IGF1: variants seen among roughly 807,000 people sequenced by gnomAD.
IGF1 encodes the protein insulin like growth factor 1.
IGF1 carries 4 observed loss-of-function variants against 13.8 expected under a neutral mutation model. That is an observed-to-expected ratio of 0.29 (90% CI 0.14 to 0.66). The LOEUF (loss-of-function observed/expected upper bound fraction) is 0.66, where lower values mean the gene tolerates loss of function less well. IGF1 is among the 30% of genes least tolerant of loss of function. The pLI, the probability that IGF1 is intolerant of heterozygous loss-of-function variation, is 0.78. For synonymous variants in IGF1, 76 were observed against 72.6 expected (o/e 1.05, Z -0.23); for missense variants, 124 against 188.5 (o/e 0.66, Z 2.00).
chr12:102,475,999 A>G (rs1173887725), intron 1 of IGF1, among the ~76,000 whole-genome samples, 200 bp from the exon 2 acceptor site: 1 of 152,174 alleles, frequency 6.6e-6, no homozygotes, highest in Non-Finnish European at 1.5e-5. Flanking sequence ...ACCTGTGTTT[A>G]TTCCCCTGGC....
intron 2 of IGF1, among the ~76,000 whole-genome samples, chr12:102,433,333 A>G (rs577096865): frequency 6.6e-6 from 1 of 152,240 alleles, no homozygotes; most frequent in Non-Finnish European, 1.5e-5. Context: ...ATAACAGGTC[A>G]CTATCTCCTT....
chr12:102,475,689 C>A lies in IGF1; in HGVS notation c.174G>T (p.Leu58=), dbSNP rs141923546. The A allele has an allele frequency of 1.9e-6, 3 of 1,614,116 alleles. No homozygotes were observed. The African/African-American group carries it at 4.0e-5, about 22-fold the overall frequency. ...CACACACGAACTGAAGAGCATCCAC[C>A]AGCTCAGCCCCGCAGAGCGTCTCCG... is the stretch of plus-strand genomic sequence containing the variant. The part of the protein sequence containing the change: ...AGPETLCGAE[L]VDALQFVCGD... The change falls in exon 2 of 4, where the codon CTG becomes CTT. Residue 58 remains leucine (L), a synonymous_variant. Coordinates refer to ENST00000337514, the MANE Select transcript of IGF1 (RefSeq NM_000618.5).
At chr12:102,432,967 G>T (rs373497956) in intron 2 of IGF1, among the ~76,000 whole-genome samples, 1 of 152,062 alleles carries the variant, frequency 6.6e-6, no homozygotes, top group Non-Finnish European at 1.5e-5. Context: ...AGGGAGAGAG[G>T]TTCAACACAC....
upstream of IGF1, among the ~76,000 whole-genome samples, chr12:102,480,850 T>C (rs529874701): frequency 2.6e-5 from 4 of 152,340 alleles, no homozygotes; most frequent in Middle Eastern, 3.4e-3. Flanking sequence ...ATTAACTTTC[T>C]GCTGGGCATG....
At chr12:102,435,887 T>G (rs913851703) in intron 2 of IGF1, among the ~76,000 whole-genome samples, 2 of 152,218 alleles carry the variant, frequency 1.3e-5, no homozygotes, top group Admixed American at 6.5e-5. Context: ...GCACTTGCAT[T>G]TTCCATAAGT....
At chr12:102,431,203 C>T (rs915702273) in intron 2 of IGF1, among the ~76,000 whole-genome samples, 1 of 152,210 alleles carries the variant, frequency 6.6e-6, no homozygotes, top group African/African-American at 2.4e-5. Context: ...GTTAAGTTCT[C>T]TAACGTGATT....
chr12:102,462,512 T>A (rs535540852), intron 2 of IGF1, among the ~76,000 whole-genome samples: 1 of 152,184 alleles, frequency 6.6e-6, no homozygotes, highest in East Asian at 1.9e-4. Context: ...ATCTGACTTA[T>A]CTGGTAAGAG....
At chr12:102,453,686 CA>C (rs1176636918) in intron 2 of IGF1, among the ~76,000 whole-genome samples, 1 of 152,162 alleles carries the variant, frequency 6.6e-6, no homozygotes, top group African/African-American at 2.4e-5. Context: ...AGTTACTCAG[CA>C]TTTCCATGGC....
At chr12:102,441,903 A>ACTGCTGCTGCTGCTGCTGCTTCTT (rs142314979) in intron 2 of IGF1, among the ~76,000 whole-genome samples, 1 of 27,336 alleles carries the variant, frequency 3.7e-5, no homozygotes, top group African/African-American at 1.2e-4. Flanking sequence ...ATTCTATTAC[A>ACTGCTGCTGCTGCTGCTGCTTCTT]CTGCTTCTTC....
chr12:102,471,050 T>C (rs1038036636), intron 2 of IGF1, among the ~76,000 whole-genome samples: 12 of 152,192 alleles, frequency 7.9e-5, no homozygotes, highest in Non-Finnish European at 1.5e-4. Context: ...GACCTGCATG[T>C]ATTTGGTCAT....
intron 3 of IGF1, among the ~76,000 whole-genome samples, chr12:102,407,094 CAAAAAAAAAAAAAA>C (rs57468885): frequency 2.0e-5 from 2 of 100,978 alleles, no homozygotes; most frequent in African/African-American, 4.4e-5. Context: ...ACTCTGTCTC[CAAAAAAAAAAAAAA>C]AAAAAAAAAA....
At chr12:102,442,678 AG>A (rs1877969617) in intron 2 of IGF1, among the ~76,000 whole-genome samples, 1 of 152,148 alleles carries the variant, frequency 6.6e-6, no homozygotes, top group African/African-American at 2.4e-5. Context: ...AAGGCAAGTG[AG>A]GATAAAGACA....
rs78756839 is a variant in IGF1, at chr12:102,442,908, T to G, written c.221-23218A>C. Among the ~76,000 whole-genome samples the G allele has an allele frequency of 2.2e-3, 341 of 152,234 alleles. 1 individual carries two copies. Among genetic ancestry groups the G allele is most frequent in the African/African-American group, 7.8e-3 (324 of 41,572 alleles). The stretch of plus-strand genomic sequence containing the variant: ...TGCCAGGCACTGTGCTAGGCACCAC[T>G]GGTTATCTTATATCATCCTACAGGA... On this transcript the variant is annotated intron_variant, in intron 2 of 3. Coordinates refer to ENST00000337514, the MANE Select transcript of IGF1 (RefSeq NM_000618.5).
intron 2 of IGF1, among the ~76,000 whole-genome samples, chr12:102,474,785 A>T (rs902930130): frequency 5.3e-5 from 8 of 152,246 alleles, no homozygotes; most frequent in Non-Finnish European, 8.8e-5. Flanking sequence ...AGTGAGATAG[A>T]TGCATGGGAG....
intron 1 of IGF1, among the ~76,000 whole-genome samples, chr12:102,476,174 A>T (rs1334170773): frequency 6.6e-6 from 1 of 152,204 alleles, no homozygotes; most frequent in Non-Finnish European, 1.5e-5. Context: ...CTTTTGAATT[A>T]TCAAAGGTTA....
chr12:102,431,821 A>G (rs746704705), intron 2 of IGF1, among the ~76,000 whole-genome samples: 5 of 152,238 alleles, frequency 3.3e-5, no homozygotes, highest in Non-Finnish European at 7.3e-5. Flanking sequence ...AGAGAATGCC[A>G]GAAGGAATGC....
upstream of IGF1, among the ~76,000 whole-genome samples, chr12:102,481,110 C>A (rs941087833): frequency 6.6e-6 from 1 of 152,148 alleles, no homozygotes; most frequent in Non-Finnish European, 1.5e-5. Context: ...TTCCTAGAAC[C>A]TATGGAGGGG....
chr12:102,435,566 G>T (rs1285094578), intron 2 of IGF1, among the ~76,000 whole-genome samples: 1 of 152,134 alleles, frequency 6.6e-6, no homozygotes, highest in Non-Finnish European at 1.5e-5. Flanking sequence ...TGGTGCCAAT[G>T]GAATTATTCT....
intron 2 of IGF1, among the ~76,000 whole-genome samples, chr12:102,456,973 A>G (rs918825320): frequency 6.6e-6 from 1 of 152,108 alleles, no homozygotes; most frequent in Non-Finnish European, 1.5e-5. Flanking sequence ...TGGCAATTCC[A>G]CAGGTATTAT....
Sources: gnomAD v4.1 joint callset for allele counts (sites outside exome capture counted in the v4.1 genomes callset) on GRCh38, gnomAD v4.1.1 for gene constraint, MANE v1.5 for transcripts, NCBI Gene and HGNC (gene_info 2026-07-23, HGNC 2026-07-21) for gene names.